RYR3: variants seen among roughly 807,000 people sequenced by gnomAD.
The protein encoded by RYR3 is ryanodine receptor 3.
RYR3 carries 207 observed loss-of-function variants against 584.3 expected under a neutral mutation model. That is an observed-to-expected ratio of 0.35 (90% CI 0.32 to 0.40). The LOEUF (loss-of-function observed/expected upper bound fraction) is 0.40. Among genes scored for constraint, RYR3 ranks in the 10% least tolerant of loss-of-function variants. The pLI, the probability that RYR3 is intolerant of heterozygous loss-of-function variation, is 1.00. For synonymous variants in RYR3, 2,416 were observed against 2,248.5 expected (o/e 1.07, Z -2.11); for missense variants, 5,616 against 6,089.2 (o/e 0.92, Z 2.59).
intron 70 of RYR3, 43 bp downstream of exon 70, chr15:33,807,612 A>T: frequency 6.5e-7 from 1 of 1,545,360 alleles, no homozygotes; most frequent in South Asian, 1.2e-5. Flanking sequence ...TCCTAGTATT[A>T]GAGGTGCCGG....
chr15:33,407,178 G>T (rs2043082466), intron 1 of RYR3, among the ~76,000 whole-genome samples: 1 of 152,212 alleles, frequency 6.6e-6, no homozygotes, highest in Non-Finnish European at 1.5e-5. Flanking sequence ...TGAGGGCTTT[G>T]CCCTCATGGC....
chr15:33,757,770 A>T, intron 60 of RYR3, 174 bp downstream of exon 60: 1 of 686,812 alleles, frequency 1.5e-6, no homozygotes, highest in East Asian at 2.7e-5. Context: ...TATTTCAGCA[A>T]CCAATTGAGG....
chr15:33,789,986 C>CTTTTTT lies in RYR3; in HGVS notation c.9830+1546_9830+1551dup, dbSNP rs757370991. On this transcript the variant is annotated intron_variant, in intron 67 of 103. Transcript: ENST00000634891. ...GGCGTGAGCCACCACGCCTGGCCTT[C>CTTTTTT]TTTTTTTTTTTTTTTTTTTTTTTGA... Among the ~76,000 whole-genome samples, 200 of 53,252 alleles carry CTTTTTT rather than the reference C, an allele frequency of 3.8e-3. 47 individuals are homozygous for CTTTTTT. Among genetic ancestry groups the CTTTTTT allele is most frequent in the African/African-American group, 0.013 (126 of 9,424 alleles). 34.9% of individuals were successfully genotyped at this position (53,252 alleles called of 152,430 possible). A position where few individuals can be genotyped will look rare whatever the true frequency, so the allele number is the denominator to read the frequency against.
intron 1 of RYR3, among the ~76,000 whole-genome samples, chr15:33,464,325 T>C (rs2048272857): frequency 6.6e-6 from 1 of 151,150 alleles, no homozygotes; most frequent in East Asian, 2.0e-4. Context: ...GGGAAGCACA[T>C]CCTGCATGAA....
At chr15:33,653,187 C>A (rs1473210445) in intron 32 of RYR3, among the ~76,000 whole-genome samples, 1 of 152,168 alleles carries the variant, frequency 6.6e-6, no homozygotes, top group African/African-American at 2.4e-5. Flanking sequence ...ATAAATATTT[C>A]TTGTGCAGCC....
chr15:33,773,670 A>G, intron 64 of RYR3, 55 bp downstream of exon 64: 1 of 1,113,494 alleles, frequency 9.0e-7, no homozygotes, highest in South Asian at 1.3e-5. Context: ...TGTTACTTAC[A>G]GCCTTTTACA....
intron 1 of RYR3, among the ~76,000 whole-genome samples, chr15:33,464,225 T>A (rs1302267830): frequency 6.6e-6 from 1 of 151,844 alleles, no homozygotes. Context: ...TATAATTTTA[T>A]ATGGTGTGAT....
intron 2 of RYR3, among the ~76,000 whole-genome samples, chr15:33,497,801 T>A (rs1164272209): frequency 1.3e-5 from 2 of 152,184 alleles, no homozygotes; most frequent in Non-Finnish European, 2.9e-5. Flanking sequence ...CTAAGTGCTA[T>A]AGAACACTAG....
At chr15:33,819,836 CTG>C (rs2077019385) in intron 77 of RYR3, 29 bp downstream of exon 77, 2 of 1,519,246 alleles carry the variant, frequency 1.3e-6, no homozygotes, top group African/African-American at 2.8e-5. Flanking sequence ...CCCATTGTCT[CTG>C]TCTTTCTGTC....
chr15:33,635,049 T>A (rs1439661826), intron 25 of RYR3, among the ~76,000 whole-genome samples: 1 of 152,160 alleles, frequency 6.6e-6, no homozygotes, highest in Admixed American at 6.5e-5. Flanking sequence ...TTATCTTACT[T>A]GCCAAATGTG....
rs187281935 is a variant in RYR3 at position 33,532,510 on chromosome 15, A to C, written c.355-801A>C. On this transcript the variant is annotated intron_variant, in intron 4 of 103. Transcript: ENST00000634891. ...ACATTTAAATTTTTGAGTACAGGTTAACTTATAATTGTACTATTTTATATA... is the reference window on the plus strand; with the variant it reads ...ACATTTAAATTTTTGAGTACAGGTTCACTTATAATTGTACTATTTTATATA... Among the ~76,000 whole-genome samples, 277 of 152,306 alleles carry C rather than the reference A, an allele frequency of 1.8e-3. 1 individual carries two copies. The highest frequency in any genetic ancestry group is 6.4e-3 in the African/African-American group (264 of 41,574).
intron 25 of RYR3, among the ~76,000 whole-genome samples, chr15:33,635,232 GA>G (rs1232085527): frequency 6.6e-6 from 1 of 152,174 alleles, no homozygotes; most frequent in African/African-American, 2.4e-5. Flanking sequence ...GGATGGTTTT[GA>G]AGTCCAATCT....
intron 1 of RYR3, among the ~76,000 whole-genome samples, chr15:33,323,818 G>A (rs1303083833): frequency 6.6e-6 from 1 of 152,144 alleles, no homozygotes; most frequent in East Asian, 1.9e-4. Context: ...CTGGTCTCTG[G>A]CTGTGCTAAG....
chr15:33,341,151 G>T (rs1404363598), intron 1 of RYR3, among the ~76,000 whole-genome samples: 2 of 152,104 alleles, frequency 1.3e-5, no homozygotes, highest in African/African-American at 4.8e-5. Flanking sequence ...TGATTCTCCT[G>T]CCTCAGCCTC....
chr15:33,659,676 T>C, intron 32 of RYR3, 44 bp from the exon 33 acceptor site: 1 of 1,313,358 alleles, frequency 7.6e-7, no homozygotes, highest in Non-Finnish European at 1.1e-6. Context: ...GCTGTGTTGT[T>C]TGTCCAGCTC....
rs765606375 is a variant in RYR3 at position 33,812,778 on chromosome 15, A to G, written c.10258-85A>G. 9.5e-4 allele frequency: 1,330 copies of G among 1,401,004 alleles called. 1 individual carries two copies. Among genetic ancestry groups the G allele is most frequent in the Middle Eastern group, 1.5e-3 (8 of 5,470 alleles). The allele number at this position is 1,401,004 out of a possible 1,614,324, so 86.8% of individuals were successfully genotyped here. The stretch of plus-strand genomic sequence containing the variant: ...TAATAGAAGGAGAGTCTTGACTCCT[A>G]CAGAACCATGGTAGGACCAAAAGGC... On this transcript the variant is annotated intron_variant, in intron 72 of 103. Coordinates refer to ENST00000634891, the MANE Select transcript of RYR3 (RefSeq NM_001036.6).
intron 1 of RYR3, among the ~76,000 whole-genome samples, chr15:33,381,776 C>T (rs1336601688): frequency 6.6e-6 from 1 of 152,182 alleles, no homozygotes; most frequent in East Asian, 1.9e-4. Context: ...CCCACTTCAG[C>T]CTCCTCTGTC....
chr15:33,485,220 C>A (rs2050306683), intron 2 of RYR3, among the ~76,000 whole-genome samples: 1 of 152,106 alleles, frequency 6.6e-6, no homozygotes, highest in African/African-American at 2.4e-5. Context: ...CCAGTGACAA[C>A]CTTGGAGGGA....
intron 16 of RYR3, among the ~76,000 whole-genome samples, chr15:33,586,595 T>G (rs951256859): frequency 6.6e-6 from 1 of 152,216 alleles, no homozygotes; most frequent in Non-Finnish European, 1.5e-5. Context: ...TAAATGAATC[T>G]GTGCGTGTGC....
Sources: allele counts gnomAD v4.1 joint callset (sites outside exome capture counted in the v4.1 genomes callset), GRCh38; gene constraint gnomAD v4.1.1; transcripts MANE v1.5; gene names NCBI Gene and HGNC (gene_info 2026-07-23, HGNC 2026-07-21).